The following FABP3 variants were observed in gnomAD, a reference collection of about 807,000 sequenced individuals.
FABP3 encodes fatty acid binding protein 3.
Under a neutral mutation model 13.4 loss-of-function variants are expected in FABP3, and 8 were observed. The observed-to-expected ratio is 0.60, with a 90% CI of 0.35 to 1.07. The LOEUF (loss-of-function observed/expected upper bound fraction) is 1.07, where lower values mean the gene tolerates loss of function less well. Ranked by LOEUF, FABP3 falls within the 50% of genes least tolerant of loss-of-function variation. The pLI is 0.02. For missense variants in FABP3, 135 were observed against 164.7 expected (o/e 0.82, Z 0.99); for synonymous variants, 64 against 60.0 (o/e 1.07, Z -0.31).
At chr1:31,368,605 A>G (rs940709629) in intron 2 of FABP3, among the ~76,000 whole-genome samples, 3 of 152,206 alleles carry the variant, frequency 2.0e-5, no homozygotes, top group African/African-American at 7.2e-5. Flanking sequence ...TGATAGTGTC[A>G]TGATAGAACA....
At chr1:31,371,070 C>T (rs1368077979) in intron 1 of FABP3, among the ~76,000 whole-genome samples, 1 of 152,212 alleles carries the variant, frequency 6.6e-6, no homozygotes, top group East Asian at 1.9e-4. Context: ...TTTCACTGGG[C>T]GATTCTGTCC....
At chr1:31,363,006 A>G (rs12408524), downstream of FABP3, among the ~76,000 whole-genome samples, 68,460 of 151,960 alleles carry the variant, frequency 0.45, 18,966 homozygotes, top group Non-Finnish European at 0.62. Context: ...ATACACAAGT[A>G]TGTGTAACAT....
intron 2 of FABP3, among the ~76,000 whole-genome samples, chr1:31,368,662 G>T (rs561335060): frequency 6.6e-6 from 1 of 152,300 alleles, no homozygotes; most frequent in South Asian, 2.1e-4. Context: ...AAGTTCTCTC[G>T]CTCCCATGCC....
At chr1:31,359,823 T>C in the FABP3 span, among the ~76,000 whole-genome samples, 1 of 152,228 alleles carries the variant, frequency 6.6e-6, no homozygotes, top group Non-Finnish European at 1.5e-5. Flanking sequence ...TTTAATTTTC[T>C]ATTTCCATCT....
chr1:31,372,070 C>T (rs1640218803), intron 1 of FABP3, among the ~76,000 whole-genome samples: 1 of 152,164 alleles, frequency 6.6e-6, no homozygotes, highest in African/African-American at 2.4e-5. Context: ...CCAAGTTCCT[C>T]ACCTGTGAGA....
chr1:31,368,743 A>G (rs959512971), intron 2 of FABP3, among the ~76,000 whole-genome samples: 1 of 152,216 alleles, frequency 6.6e-6, no homozygotes, highest in African/African-American at 2.4e-5. Flanking sequence ...AGGAGGGGCT[A>G]AGGCTTGGTG....
At chr1:31,368,528 C>T (rs1244379460) in intron 2 of FABP3, among the ~76,000 whole-genome samples, 2 of 152,190 alleles carry the variant, frequency 1.3e-5, no homozygotes, top group African/African-American at 4.8e-5. Context: ...CTGCTGCCAG[C>T]CACCTGTGTG....
downstream of FABP3, among the ~76,000 whole-genome samples, chr1:31,361,829 T>A (rs1006566253): frequency 1.6e-4 from 21 of 133,384 alleles, no homozygotes; most frequent in Admixed American, 1.1e-3. Flanking sequence ...TTATTTATTT[T>A]GAGACAGGGT....
At chr1:31,364,193 A>C (rs759575604), downstream of FABP3, 19 of 1,612,176 alleles carry the variant, frequency 1.2e-5, no homozygotes, top group Non-Finnish European at 1.5e-5. Context: ...ACAAGGAGTG[A>C]GAGTATAAAG....
chr1:31,370,114 A>AAG (rs1364012256), intron 1 of FABP3, among the ~76,000 whole-genome samples: 2 of 151,512 alleles, frequency 1.3e-5, no homozygotes, highest in Non-Finnish European at 2.9e-5. Flanking sequence ...AAAAAAAAAA[A>AAG]AAAAGCTACT....
chr1:31,364,922 G>T (rs41263947), downstream of FABP3: 1 of 152,224 alleles, frequency 6.6e-6, no homozygotes, highest in Non-Finnish European at 1.5e-5. Flanking sequence ...AAATGGAAAT[G>T]TGTTTGGTTT....
At chr1:31,360,449 G>A (rs1042708613), downstream of FABP3, among the ~76,000 whole-genome samples, 10 of 152,352 alleles carry the variant, frequency 6.6e-5, no homozygotes, top group East Asian at 3.9e-4. Context: ...GATCACAGGC[G>A]TGAGCCACCG....
At chr1:31,363,085 A>G (rs1238633950), downstream of FABP3, among the ~76,000 whole-genome samples, 2 of 152,086 alleles carry the variant, frequency 1.3e-5, no homozygotes, top group Admixed American at 1.3e-4. Context: ...GGAACCTACA[A>G]TACATATTAT....
intron 3 of FABP3, 119 bp from the exon 4 acceptor site, chr1:31,366,058 A>ATG (rs1288067756): frequency 1.7e-5 from 12 of 704,100 alleles, no homozygotes; most frequent in South Asian, 9.1e-5. Flanking sequence ...GGCTATATGT[A>ATG]TGTATGTGTG....
chr1:31,360,842 G>A (rs1207815909), downstream of FABP3, among the ~76,000 whole-genome samples: 1 of 152,132 alleles, frequency 6.6e-6, no homozygotes, highest in Non-Finnish European at 1.5e-5. Context: ...TGTAAAATGG[G>A]AATAATAACT....
chr1:31,372,924 G>A lies in FABP3; in HGVS notation c.73+18C>T. On this transcript the variant is annotated intron_variant, in intron 1 of 3. Transcript: ENST00000373713. Reference sequence around the variant, plus strand: ...GCCAGTCCCCAAGCCAACATCCTGAGCCCCGCGGCTTGCTCACCGAGTGAC... The same window carrying A: ...GCCAGTCCCCAAGCCAACATCCTGAACCCCGCGGCTTGCTCACCGAGTGAC... 1 of 1,611,472 alleles carries A rather than the reference G, an allele frequency of 6.2e-7. No individual in the cohort carries two copies. The highest frequency in any genetic ancestry group is 2.2e-5 in the East Asian group (1 of 44,880).
chr1:31,364,205 G>A, downstream of FABP3: 1 of 1,607,236 alleles, frequency 6.2e-7, no homozygotes, highest in Non-Finnish European at 8.5e-7. Context: ...AGTATAAAGA[G>A]TGTAGGGGGT....
At chr1:31,363,059 A>T (rs1569959467), downstream of FABP3, among the ~76,000 whole-genome samples, 1 of 152,032 alleles carries the variant, frequency 6.6e-6, no homozygotes, top group African/African-American at 2.4e-5. Context: ...ATACACATGT[A>T]TATGTTATAC....
intron 1 of FABP3, 51 bp from the exon 2 acceptor site, chr1:31,369,608 T>C (rs376533657): frequency 1.3e-5 from 20 of 1,572,566 alleles, no homozygotes; most frequent in Non-Finnish European, 1.6e-5. Context: ...AGAGAAGCAG[T>C]GTACAAGAAA....
Sources: allele counts gnomAD v4.1 joint callset (sites outside exome capture counted in the v4.1 genomes callset), GRCh38; gene constraint gnomAD v4.1.1; transcripts MANE v1.5; gene names NCBI Gene and HGNC (gene_info 2026-07-23, HGNC 2026-07-21).